Variants in KCTD13 observed in about 807,000 individuals in gnomAD.
KCTD13 encodes BTB/POZ domain-containing adapter for CUL3-mediated RhoA degradation protein 1.
A neutral mutation model predicts 32.3 loss-of-function variants in KCTD13; 15 were observed. The observed-to-expected ratio is 0.46, with a 90% CI of 0.31 to 0.71. The LOEUF is 0.71. Ranked by LOEUF, KCTD13 falls within the 30% of genes least tolerant of loss-of-function variation. The pLI, the probability that KCTD13 is intolerant of heterozygous loss-of-function variation, is 0.05. For synonymous variants in KCTD13, 189 were observed against 200.1 expected (o/e 0.94, Z 0.47); for missense variants, 337 against 452.6 (o/e 0.74, Z 2.32).
chr16:29,907,224 G>A, intron 5 of KCTD13, 116 bp from the exon 6 acceptor site: 1 of 671,366 alleles, frequency 1.5e-6, no homozygotes, highest in Non-Finnish European at 2.5e-6. Context: ...AGGTCCTTGG[G>A]CCTGGCCTGG....
chr16:29,911,869 T>C lies in KCTD13; in HGVS notation c.505-2A>G. The C allele has an allele frequency of 6.2e-7, 1 of 1,612,230 alleles. No homozygotes were observed. Among genetic ancestry groups the C allele is most frequent in the Non-Finnish European group, 8.5e-7 (1 of 1,179,100 alleles). On this transcript the variant is annotated splice_acceptor_variant, in intron 3 of 5. Coordinates refer to ENST00000568000, the MANE Select transcript of KCTD13 (RefSeq NM_178863.5). LOFTEE classifies it high-confidence loss of function. ...GTTGTGCAGGAGCTTCACCACGGGC[T>C]GGCGGGGGAGAGAGGATGGACGAGA...
chr16:29,925,912 T>A lies in KCTD13; in HGVS notation c.122A>T (p.Lys41Ile). 6.2e-7 allele frequency: 1 copy of A among 1,614,058 alleles called. No homozygotes were observed. Among genetic ancestry groups the A allele is most frequent in the South Asian group, 1.1e-5 (1 of 91,092 alleles). Residue 41 changes from lysine to isoleucine, a missense_variant, in exon 1 of 6, where the codon AAA becomes ATA. By Grantham distance (102) the Lys-to-Ile change is moderately radical. Transcript: ENST00000568000. ...GCCGCCCACGTTCAGCTTCACGTAT[T>A]TGCTGTTCGGGGTCAGCGGCTTGAG... ...YGLKPLTPNS[K>I]YVKLNVGGSL... is the part of the protein sequence containing the mutation.
Position 29,906,739 on chromosome 16 carries a change from G to C in KCTD13, c.*133C>G. ...GGGTGGAGAAGGGCCAAAGTGAGCT[G>C]TGCCATGCAATGAAGGGACAGAGGA... On this transcript the variant is annotated 3_prime_UTR_variant, in exon 6 of 6. Coordinates refer to ENST00000568000, the MANE Select transcript of KCTD13 (RefSeq NM_178863.5). 1.4e-6 allele frequency: 1 copy of C among 731,150 alleles called. No homozygotes were observed. The highest frequency in any genetic ancestry group is 2.1e-5 in the Admixed American group (1 of 48,212). 45.3% of individuals were successfully genotyped at this position (731,150 alleles called of 1,614,324 possible). A position where few individuals can be genotyped will look rare whatever the true frequency, so the allele number is the denominator to read the frequency against.
intron 2 of KCTD13, chr16:29,922,342 CT>C (rs747445125): frequency 6.6e-6 from 1 of 152,104 alleles, no homozygotes; most frequent in South Asian, 2.1e-4. Flanking sequence ...CAAAAAGAAA[CT>C]TTTATAATCT....
chr16:29,917,450 C>G (rs1308665211), intron 2 of KCTD13, among the ~76,000 whole-genome samples: 9 of 151,942 alleles, frequency 5.9e-5, no homozygotes, highest in Admixed American at 5.9e-4. Flanking sequence ...AGTTTGAGAC[C>G]AGCTTGACCA....
At chr16:29,917,339 G>GA (rs1225603061) in intron 2 of KCTD13, among the ~76,000 whole-genome samples, 4 of 151,968 alleles carry the variant, frequency 2.6e-5, no homozygotes, top group Non-Finnish European at 5.9e-5. Context: ...ACCCATATAT[G>GA]AAAAAAATCC....
chr16:29,912,770 G>C (rs945111690), intron 2 of KCTD13, among the ~76,000 whole-genome samples: 1 of 152,224 alleles, frequency 6.6e-6, no homozygotes, highest in Non-Finnish European at 1.5e-5. Flanking sequence ...AGCAGTTAGT[G>C]TCTGACTTTT....
At chr16:29,912,332 T>C in intron 2 of KCTD13, 1 of 518,744 alleles carries the variant, frequency 1.9e-6, no homozygotes, top group Non-Finnish European at 3.4e-6. Flanking sequence ...GCGTGGCGTG[T>C]CCGTCATGCC....
chr16:29,924,819 A>AGC (rs2150847334), intron 1 of KCTD13, among the ~76,000 whole-genome samples: 1 of 151,690 alleles, frequency 6.6e-6, no homozygotes, highest in African/African-American at 2.4e-5. Context: ...CCCAGGTTCA[A>AGC]GCGATTCTCC....
intron 5 of KCTD13, among the ~76,000 whole-genome samples, chr16:29,908,746 A>G (rs1170630050): frequency 6.7e-6 from 1 of 149,086 alleles, no homozygotes; most frequent in Non-Finnish European, 1.5e-5. Context: ...TCTGTTGCCT[A>G]GGCTGGAGTG....
At position 29,911,142 on chromosome 16, in the gene KCTD13, C is replaced by T. The variant is rs1253194544; in HGVS notation, c.589G>A (p.Glu197Lys). ...TSDDNLLKNI[E>K]LFDKLALRFH... ...CGCAGGGCCAGCTTGTCGAACAGCT[C>T]GATGTTCTTAAGTAGGTTGTCATCT... The change falls in exon 5 of 6, where the codon GAG becomes AAG. Residue 197 changes from glutamate to lysine, a missense_variant. Coordinates refer to ENST00000568000, the MANE Select transcript of KCTD13 (RefSeq NM_178863.5). The T allele has an allele frequency of 3.7e-6, 6 of 1,613,966 alleles. No individual in the cohort carries two copies. The highest frequency in any genetic ancestry group is 2.7e-5 in the African/African-American group (2 of 74,900).
Position 29,923,274 on chromosome 16 carries a change from A to C in KCTD13, c.330T>G (p.Ser110Arg), listed in dbSNP as rs1597031412. 4 of 1,613,788 alleles carry C rather than the reference A, an allele frequency of 2.5e-6. No homozygotes were observed. The East Asian group carries it at 6.7e-5, about 27-fold the overall frequency. ...CCAGCAGCTCCCCCAGTTCTCTCGT[A>C]CTCTCCGGCAGTGGCACAGACCCAT... is the stretch of plus-strand genomic sequence containing the variant. ...LRDGSVPLPESTRELGELLGE... is the reference protein window; with the variant it reads ...LRDGSVPLPERTRELGELLGE... The change falls in exon 2 of 6, where the codon AGT (serine) becomes AGG (arginine). Residue 110 changes from serine to arginine, a missense_variant. Transcript: ENST00000568000.
Position 29,923,366 on chromosome 16 carries a change from G to T in KCTD13, c.245-7C>A, listed in dbSNP as rs761999194. 6.2e-7 allele frequency: 1 copy of T among 1,612,310 alleles called. No individual in the cohort carries two copies. The highest frequency in any genetic ancestry group is 1.1e-5 in the South Asian group (1 of 90,928). Reference sequence around the variant, plus strand: ...CGGTCAATCAGCACCCAACCTAGTGGGGTGGGGAGAGGCAGGGGGAAAGAT... The same window carrying T: ...CGGTCAATCAGCACCCAACCTAGTGTGGTGGGGAGAGGCAGGGGGAAAGAT... On this transcript the variant is annotated splice_polypyrimidine_tract_variant and splice_region_variant and intron_variant, in intron 1 of 5. Transcript: ENST00000568000.
At chr16:29,917,607 C>T (rs2068833174) in intron 2 of KCTD13, among the ~76,000 whole-genome samples, 1 of 152,060 alleles carries the variant, frequency 6.6e-6, no homozygotes, top group Non-Finnish European at 1.5e-5. Context: ...TCGTGAAACC[C>T]CATCTCTGCT....
At chr16:29,918,177 C>T (rs2068842701) in intron 2 of KCTD13, among the ~76,000 whole-genome samples, 1 of 152,194 alleles carries the variant, frequency 6.6e-6, no homozygotes, top group East Asian at 1.9e-4. Context: ...AATGTAATTA[C>T]TGGTTCAGGT....
intron 5 of KCTD13, among the ~76,000 whole-genome samples, chr16:29,910,680 A>G (rs1243841582): frequency 6.6e-6 from 1 of 152,104 alleles, no homozygotes; most frequent in Non-Finnish European, 1.5e-5. Context: ...TCTAATGGCA[A>G]CTATGGACCC....
At chr16:29,924,043 G>A (rs990348979) in intron 1 of KCTD13, among the ~76,000 whole-genome samples, 98 of 150,508 alleles carry the variant, frequency 6.5e-4, no homozygotes, top group Admixed American at 2.1e-3. Context: ...GCATGGTGGC[G>A]CATGCCTGTA....
At chr16:29,925,042 G>T (rs193117166) in intron 1 of KCTD13, among the ~76,000 whole-genome samples, 1 of 152,220 alleles carries the variant, frequency 6.6e-6, no homozygotes, top group East Asian at 1.9e-4. Context: ...GATACTTGAA[G>T]GCAGATCTCC....
intron 1 of KCTD13, 73 bp from the exon 2 acceptor site, chr16:29,923,432 A>G: frequency 7.9e-7 from 1 of 1,271,638 alleles, no homozygotes. Flanking sequence ...TTAAAAAAAA[A>G]TTTTTGTAGA....
Sources: gnomAD v4.1 joint callset for allele counts (sites outside exome capture counted in the v4.1 genomes callset) on GRCh38, gnomAD v4.1.1 for gene constraint, MANE v1.5 for transcripts, NCBI Gene and HGNC (gene_info 2026-07-23, HGNC 2026-07-21) for gene names.